Variants in RFX4 observed in about 807,000 individuals in gnomAD.
The protein encoded by RFX4 is regulatory factor X4, also known as transcription factor RFX4.
A neutral mutation model predicts 95.0 loss-of-function variants in RFX4; 10 were observed. The observed-to-expected ratio is 0.11, with a 90% CI of 0.06 to 0.18. The LOEUF is 0.18. Among genes scored for constraint, RFX4 ranks in the 10% least tolerant of loss-of-function variants. The pLI, the probability that RFX4 is intolerant of heterozygous loss-of-function variation, is 1.00. For synonymous variants in RFX4, 321 were observed against 340.7 expected (o/e 0.94, Z 0.64); for missense variants, 640 against 922.0 (o/e 0.69, Z 3.96).
intron 8 of RFX4, among the ~76,000 whole-genome samples, chr12:106,698,971 T>C (rs1221127487): frequency 6.6e-6 from 1 of 152,034 alleles, no homozygotes; most frequent in African/African-American, 2.4e-5. Context: ...TTTGCTCTTC[T>C]TTTTTTAGTT....
intron 4 of RFX4, among the ~76,000 whole-genome samples, chr12:106,658,670 G>A (rs2041009533): frequency 6.6e-6 from 1 of 152,130 alleles, no homozygotes; most frequent in South Asian, 2.1e-4. Context: ...CTCACTGGGG[G>A]CTTCTCCTAG....
intron 1 of RFX4, among the ~76,000 whole-genome samples, chr12:106,598,858 ATTG>A (rs2039658341): frequency 1.3e-5 from 2 of 152,212 alleles, no homozygotes; most frequent in Admixed American, 1.3e-4. Context: ...TTTTAATAAT[ATTG>A]TTATAGTAGA....
At chr12:106,589,167 G>A (rs956963143) in intron 1 of RFX4, among the ~76,000 whole-genome samples, 10 of 152,148 alleles carry the variant, frequency 6.6e-5, no homozygotes, top group Non-Finnish European at 1.2e-4. Context: ...TAAGGTTTAG[G>A]GGAGAGAGAG....
intron 2 of RFX4, among the ~76,000 whole-genome samples, chr12:106,633,428 A>G (rs1431352095): frequency 3.9e-5 from 6 of 152,250 alleles, no homozygotes; most frequent in African/African-American, 1.2e-4. Context: ...TGGAGGAATA[A>G]AATGAGGTAG....
chr12:106,747,638 T>A (rs747503334), intron 16 of RFX4, 39 bp downstream of exon 16: 1 of 1,604,048 alleles, frequency 6.2e-7, no homozygotes, highest in Non-Finnish European at 8.5e-7. Context: ...ACTTTTAAAA[T>A]TTGATCTAAA....
Position 106,747,595 on chromosome 12 carries a change from C to T in RFX4, c.1792C>T (p.His598Tyr), listed in dbSNP as rs753845605. 9 of 1,613,400 alleles carry T rather than the reference C, an allele frequency of 5.6e-6. No homozygotes were observed. The highest frequency in any genetic ancestry group is 5.5e-5 in the South Asian group (5 of 91,036). ...RIPVYPHREE[H>Y]GYTGSYNYGS... Reference sequence around the variant, plus strand: ...ACCAGTTTATCCCCACAGAGAGGAACATGGGTAGGTAACTTTCCAGGGATG... The same window carrying T: ...ACCAGTTTATCCCCACAGAGAGGAATATGGGTAGGTAACTTTCCAGGGATG... Residue 598 changes from histidine to tyrosine, a missense_variant, in exon 16 of 18, where the codon CAT becomes TAT. Physicochemically the swap from His to Tyr is moderately conservative, Grantham distance 83. This residue lies in a region of RFX4 where 300 missense variants were observed against 346.8 expected (regional missense o/e 0.87). Transcript: ENST00000392842.
chr12:106,614,691 A>G (rs925533567), intron 2 of RFX4, among the ~76,000 whole-genome samples: 1 of 151,534 alleles, frequency 6.6e-6, no homozygotes, highest in African/African-American at 2.4e-5. Context: ...TTGTATTTTT[A>G]GTAGAGACGG....
chr12:106,718,824 C>T (rs2042340553), intron 11 of RFX4, among the ~76,000 whole-genome samples: 1 of 152,110 alleles, frequency 6.6e-6, no homozygotes, highest in Non-Finnish European at 1.5e-5. Flanking sequence ...TTAAAAAGCA[C>T]TTCCAGCCGG....
At chr12:106,702,636 G>T (rs2042013055) in intron 8 of RFX4, among the ~76,000 whole-genome samples, 2 of 152,108 alleles carry the variant, frequency 1.3e-5, no homozygotes, top group Non-Finnish European at 2.9e-5. Context: ...TCTCAGAGTT[G>T]GGCACTCTCA....
At chr12:106,695,333 C>T (rs1038645992) in intron 7 of RFX4, among the ~76,000 whole-genome samples, 1 of 152,206 alleles carries the variant, frequency 6.6e-6, no homozygotes, top group African/African-American at 2.4e-5. Context: ...TCTAGATTTT[C>T]TCAAATGTTA....
intron 10 of RFX4, among the ~76,000 whole-genome samples, chr12:106,714,068 CAAAAAA>C (rs58283896): frequency 2.0e-4 from 6 of 30,526 alleles, no homozygotes; most frequent in African/African-American, 6.2e-4. Context: ...AACTCCATCT[CAAAAAA>C]AAAAAAAAAA....
Position 106,709,573 on chromosome 12 carries a change from T to C in RFX4, c.934+143T>C, listed in dbSNP as rs375714325. The C allele has an allele frequency of 8.5e-6, 5 of 589,040 alleles. No individual in the cohort carries two copies. The African/African-American group carries it at 9.6e-5, about 11-fold the overall frequency. The allele number at this position is 589,040 out of a possible 1,614,324, so 36.5% of individuals were successfully genotyped here. ...GGTATTATACTAATTACTTTACATA[T>C]GTAAATATATTTAATCCTCATAAAA... On this transcript the variant is annotated intron_variant, in intron 9 of 17. Transcript: ENST00000392842.
At chr12:106,602,758 G>T (rs2039738575) in intron 1 of RFX4, among the ~76,000 whole-genome samples, 1 of 152,160 alleles carries the variant, frequency 6.6e-6, no homozygotes, top group Middle Eastern at 3.4e-3. Context: ...AGGCCTTTCT[G>T]GTGGAGAATC....
At chr12:106,680,022 A>G (rs1273375540) in intron 4 of RFX4, among the ~76,000 whole-genome samples, 1 of 152,226 alleles carries the variant, frequency 6.6e-6, no homozygotes, top group Admixed American at 6.5e-5. Context: ...GGTTAAAGAG[A>G]TGGGATTTAT....
At chr12:106,712,394 TCCA>T (rs559694571) in intron 10 of RFX4, among the ~76,000 whole-genome samples, 241 of 152,258 alleles carry the variant, frequency 1.6e-3, no homozygotes, top group African/African-American at 5.3e-3. Flanking sequence ...CCGTCCTCAT[TCCA>T]CCAACTCTCT....
intron 2 of RFX4, among the ~76,000 whole-genome samples, chr12:106,627,270 G>A (rs1046275818): frequency 6.6e-6 from 1 of 152,168 alleles, no homozygotes; most frequent in African/African-American, 2.4e-5. Flanking sequence ...GGACACAGTG[G>A]CTCATGCCTG....
chr12:106,620,219 G>C (rs1565952610), intron 2 of RFX4, among the ~76,000 whole-genome samples: 1 of 152,146 alleles, frequency 6.6e-6, no homozygotes, highest in Non-Finnish European at 1.5e-5. Context: ...CAGAGCCTCT[G>C]GGTGAAGGAT....
At chr12:106,719,544 C>A (rs2042358001) in intron 11 of RFX4, among the ~76,000 whole-genome samples, 1 of 151,980 alleles carries the variant, frequency 6.6e-6, no homozygotes, top group African/African-American at 2.4e-5. Context: ...AGGTAGAAAA[C>A]CGATAATAAA....
chr12:106,728,680 T>C (rs1246474355), intron 13 of RFX4, among the ~76,000 whole-genome samples: 1 of 152,206 alleles, frequency 6.6e-6, no homozygotes, highest in African/African-American at 2.4e-5. Context: ...CATCAGTCTT[T>C]CTGTATCTCC....
Sources: gnomAD v4.1 joint callset for allele counts (sites outside exome capture counted in the v4.1 genomes callset) on GRCh38, gnomAD v4.1.1 for gene constraint, gnomAD v4.1.1 regional missense constraint, MANE v1.5 for transcripts, NCBI Gene and HGNC (gene_info 2026-07-23, HGNC 2026-07-21) for gene names.